The following ADAR variants were observed in gnomAD, a reference collection of about 807,000 sequenced individuals.
ADAR encodes the protein double-stranded RNA-specific adenosine deaminase.
Under a neutral mutation model 113.2 loss-of-function variants are expected in ADAR, and 41 were observed. The observed-to-expected ratio is 0.36, with a 90% CI of 0.28 to 0.47. ADAR has a LOEUF of 0.47. ADAR is among the 20% of genes least tolerant of loss of function. The pLI, the probability that ADAR is intolerant of heterozygous loss-of-function variation, is 1.00. For missense variants in ADAR, 1,242 were observed against 1,540.9 expected (o/e 0.81, Z 3.25); for synonymous variants, 605 against 572.6 (o/e 1.06, Z -0.81).
chr1:154,621,728 G>A (rs1210130598), intron 1 of ADAR, among the ~76,000 whole-genome samples: 1 of 152,120 alleles, frequency 6.6e-6, no homozygotes. Context: ...TAGGGTGAGG[G>A]AGAGGCACAG....
intron 1 of ADAR, among the ~76,000 whole-genome samples, chr1:154,627,590 C>T (rs1326768730): frequency 6.6e-6 from 1 of 152,238 alleles, no homozygotes; most frequent in Admixed American, 6.5e-5. Flanking sequence ...CCGTGCGCAG[C>T]CTCTGCCGCC....
intron 1 of ADAR, among the ~76,000 whole-genome samples, chr1:154,623,904 G>A (rs1698862191): frequency 6.6e-6 from 1 of 152,154 alleles, no homozygotes; most frequent in South Asian, 2.1e-4. Flanking sequence ...CCGGGAGGCT[G>A]AGGCAGGAGA....
intron 1 of ADAR, among the ~76,000 whole-genome samples, chr1:154,617,338 A>G (rs1254030080): frequency 1.3e-5 from 2 of 152,202 alleles, no homozygotes; most frequent in Non-Finnish European, 2.9e-5. Context: ...TCTGCTTAGC[A>G]TATCAATCTT....
At position 154,607,992 on chromosome 1, in the gene ADAR, C is replaced by G. The variant is rs531203883; in HGVS notation, c.15G>C (p.Gln5His). MNPR[Q>H]GYSLSGYYTH... The stretch of plus-strand genomic sequence containing the variant: ...AAGGTCCAAGGCCGGCCCGGCTTAC[C>G]TGCCGCGGATTCATTGCGCCCGCGA... The change falls in exon 1 of 15, where the codon CAG becomes CAC. Residue 5 changes from glutamine (Q) to histidine (H), a missense_variant and splice_region_variant. By Grantham distance (24) the Gln-to-His change is conservative. Around this residue, in one of 2 missense-constraint regions of ADAR, gnomAD observed 462 missense variants for 483.1 expected, o/e 0.96. Transcript: ENST00000368474. The G allele has an allele frequency of 1.2e-6, 2 of 1,608,486 alleles. No homozygotes were observed. The highest frequency in any genetic ancestry group is 1.1e-5 in the South Asian group (1 of 90,248).
chr1:154,585,150 A>C, intron 14 of ADAR, 67 bp downstream of exon 14: 3 of 1,613,230 alleles, frequency 1.9e-6, no homozygotes, highest in East Asian at 4.5e-5. Context: ...GAGACTGCAG[A>C]GGTATGATGC....
chr1:154,623,092 G>A (rs1271983800), intron 1 of ADAR, among the ~76,000 whole-genome samples: 1 of 152,188 alleles, frequency 6.6e-6, no homozygotes. Flanking sequence ...GGGGCTCTCC[G>A]TCTAGTGGAG....
chr1:154,607,097 CTCAACAATCAATTTCTT>C (rs1052799324), intron 1 of ADAR, among the ~76,000 whole-genome samples: 2 of 152,052 alleles, frequency 1.3e-5, no homozygotes, highest in African/African-American at 4.8e-5. Context: ...TTTCATGCCA[CTCAACAATCAATTTCTT>C]CCACGATACC....
rs761347223 is a variant in ADAR at position 154,601,698 on chromosome 1, G to C, written c.944C>G (p.Ala315Gly). ...GCCAATATTTTTAGCCAAATTCAGG[G>C]CAGAGGAGTCAGACACATTGAAGAG... The part of the protein sequence containing the change: ...DYLFNVSDSS[A>G]LNLAKNIGLT... Residue 315 changes from alanine (A) to glycine (G), a missense_variant, in exon 2 of 15, where the codon GCC (alanine) becomes GGC (glycine). Coordinates refer to ENST00000368474, the MANE Select transcript of ADAR (RefSeq NM_001111.5). This position sits in a 1 kb window ranked among gnomAD's most constrained non-coding sequence, Gnocchi z 4.7. The C allele has an allele frequency of 2.5e-6, 4 of 1,614,064 alleles. No homozygotes were observed. The African/African-American group carries it at 5.3e-5, about 22-fold the overall frequency.
At position 154,601,916 on chromosome 1, in the gene ADAR, A is replaced by T; in HGVS notation, c.726T>A (p.Leu242=). ...RNSTSVSEDL[L]EPFIAVSAQA... ...GAGCTGAGACTGCAATAAAAGGCTC[A>T]AGAAGATCTTCTGAGACAGATGTGG... The change falls in exon 2 of 15, where the codon CTT becomes CTA. Residue 242 remains leucine (L), a synonymous_variant. Coordinates refer to ENST00000368474, the MANE Select transcript of ADAR (RefSeq NM_001111.5). This position sits in a 1 kb window ranked among gnomAD's most constrained non-coding sequence, Gnocchi z 4.7. The T allele has an allele frequency of 6.2e-7, 1 of 1,614,100 alleles. No homozygotes were observed. The highest frequency in any genetic ancestry group is 8.5e-7 in the Non-Finnish European group (1 of 1,180,018).
At chr1:154,587,226 T>C (rs1443693659) in intron 11 of ADAR, among the ~76,000 whole-genome samples, 1 of 152,254 alleles carries the variant, frequency 6.6e-6, no homozygotes. Context: ...ACATTTCATA[T>C]AAATGGAATC....
Position 154,608,096 on chromosome 1 carries a change from G to A in ADAR, c.-90C>T. ...CGCGCCAGCCCCTCGAGGCCCCCAC[G>A]CCTCCGCTACTCCGCACTGGAAGTG... On this transcript the variant is annotated 5_prime_UTR_variant, in exon 1 of 15. Transcript: ENST00000368474. 1 of 1,449,480 alleles carries A rather than the reference G, an allele frequency of 6.9e-7. No individual in the cohort carries two copies. The highest frequency in any genetic ancestry group is 9.1e-7 in the Non-Finnish European group (1 of 1,099,214). The allele number at this position is 1,449,480 out of a possible 1,614,324, so 89.8% of individuals were successfully genotyped here.
chr1:154,627,024 G>C (rs59711031), intron 1 of ADAR, among the ~76,000 whole-genome samples: 27,195 of 152,114 alleles, frequency 0.18, 2,811 homozygotes, highest in South Asian at 0.33. Context: ...ACAAGACACT[G>C]TGTAGGCCTC....
In ADAR at chr1:154,589,482, A is replaced by G. The variant is rs1696979440; in HGVS notation, c.2669-20T>C. 6.3e-7 allele frequency: 1 copy of G among 1,592,776 alleles called. No homozygotes were observed. Among genetic ancestry groups the G allele is most frequent in the Non-Finnish European group, 8.6e-7 (1 of 1,160,792 alleles). On this transcript the variant is annotated intron_variant, in intron 8 of 14. Coordinates refer to ENST00000368474, the MANE Select transcript of ADAR (RefSeq NM_001111.5). ...GATTCCCTAGGAAGGTGTTTAAAAC[A>G]GAAATAGAATAATGGAAGGAAACCG...
At position 154,585,811 on chromosome 1, in the gene ADAR, C is replaced by T. The variant is rs1557864377; in HGVS notation, c.3257G>A (p.Arg1086Lys). 1 of 1,614,100 alleles carries T rather than the reference C, an allele frequency of 6.2e-7. No homozygotes were observed. The highest frequency in any genetic ancestry group is 2.2e-5 in the East Asian group (1 of 44,876). ...TCCATCCTCAAATGCACTCCCATCT[C>T]TTGTCACACGACAGCAAATAGCACG... is the stretch of plus-strand genomic sequence containing the variant. The part of the protein sequence containing the change: ...LTRAICCRVT[R>K]DGSAFEDGLR... Residue 1086 changes from arginine (R) to lysine (K), a missense_variant, in exon 13 of 15, where the codon AGA becomes AAA. Around this residue, in one of 2 missense-constraint regions of ADAR, gnomAD observed 780 missense variants for 1,057.9 expected, o/e 0.74. Transcript: ENST00000368474.
chr1:154,584,627 G>T lies in ADAR; in HGVS notation c.*179C>A. On this transcript the variant is annotated 3_prime_UTR_variant, in exon 15 of 15. Coordinates refer to ENST00000368474, the MANE Select transcript of ADAR (RefSeq NM_001111.5). ...GGGGGGCCTGGCCAGACCTTGCCTA[G>T]CAATCCCAAAGAAAGCAGGATAAAT... is the stretch of plus-strand genomic sequence containing the variant. 1 of 643,928 alleles carries T rather than the reference G, an allele frequency of 1.6e-6. No individual in the cohort carries two copies. 39.9% of individuals were successfully genotyped at this position (643,928 alleles called of 1,614,324 possible).
rs763082945 is a variant in ADAR at position 154,602,177 on chromosome 1, G to A, written c.465C>T (p.Ala155=). 2.5e-6 allele frequency: 4 copies of A among 1,614,114 alleles called. No individual in the cohort carries two copies. In the South Asian group the frequency reaches 4.4e-5, roughly 18 times the overall value. ...TCCCAGACAGATCATGTGCTGTGGT[G>A]GCCTTCCCTTCCCCAAGCTCTTCCA... ...KFLEELGEGK[A]TTAHDLSGKL... is the part of the protein sequence containing the mutation. Residue 155 remains alanine (A), a synonymous_variant, in exon 2 of 15, where the codon GCC becomes GCT. Transcript: ENST00000368474.
rs1697540251 is a variant in ADAR, at chr1:154,596,946, G to A, written c.2129C>T (p.Pro710Leu). 2 of 1,614,116 alleles carry A rather than the reference G, an allele frequency of 1.2e-6. No individual in the cohort carries two copies. Among genetic ancestry groups the A allele is most frequent in the Non-Finnish European group, 1.7e-6 (2 of 1,180,032 alleles). Residue 710 changes from proline to leucine, a missense_variant, in exon 6 of 15, where the codon CCC becomes CTC. Pro to Leu is a moderately conservative substitution (Grantham distance 98). Transcript: ENST00000368474. The stretch of plus-strand genomic sequence containing the variant: ...CTCGCCAATCTTCCTGACCTTGTTG[G>A]GCATCATGGATTCCAAGTTATCAAG... ...ESLDNLESMM[P>L]NKVRKIGELV...
In ADAR at chr1:154,601,855, C is replaced by G. The variant is rs766779037; in HGVS notation, c.787G>C (p.Asp263His). The G allele has an allele frequency of 6.2e-7, 1 of 1,614,240 alleles. No individual in the cohort carries two copies. The stretch of plus-strand genomic sequence containing the variant: ...TTTGGGGATCCTTGGCTATGACTGT[C>G]TGGTCTTACCACTCCGCTGTGCTGG... Reference protein sequence around the residue: ...WNQHSGVVRPDSHSQGSPNSD... With the variant: ...WNQHSGVVRPHSHSQGSPNSD... Residue 263 changes from aspartate (D) to histidine (H), a missense_variant, in exon 2 of 15, where the codon GAC becomes CAC. Physicochemically the swap from Asp to His is moderately conservative, Grantham distance 81 (BLOSUM62 -1). Coordinates refer to ENST00000368474, the MANE Select transcript of ADAR (RefSeq NM_001111.5). The surrounding 1 kb of genome is among the most constrained non-coding windows in gnomAD (Gnocchi z 4.7).
chr1:154,592,151 G>A (rs1490160663), intron 6 of ADAR, among the ~76,000 whole-genome samples: 2 of 152,182 alleles, frequency 1.3e-5, no homozygotes, highest in Admixed American at 6.5e-5. Context: ...CCTCCTCTCA[G>A]CCTCTTTGCC....
Sources: allele counts gnomAD v4.1 joint callset (sites outside exome capture counted in the v4.1 genomes callset), GRCh38; gene constraint gnomAD v4.1.1; regional missense constraint gnomAD v4.1.1; non-coding constraint Gnocchi (gnomAD v3.1); transcripts MANE v1.5; gene names NCBI Gene and HGNC (gene_info 2026-07-23, HGNC 2026-07-21).